DDX31: variants seen among roughly 807,000 people sequenced by gnomAD.
DDX31 encodes DEAD-box helicase 31.
Under a neutral mutation model 91.3 loss-of-function variants are expected in DDX31, and 70 were observed. The ratio of observed to expected loss-of-function variants is 0.77; its 90% CI spans 0.63 to 0.94. The LOEUF is 0.94. Ranked by LOEUF, DDX31 falls within the 40% of genes least tolerant of loss-of-function variation. The pLI is 0.00. For synonymous variants in DDX31, 362 were observed against 350.6 expected, an observed-to-expected ratio of 1.03 and a Z score of -0.36; for missense variants, 902 against 925.0, an observed-to-expected ratio of 0.98 and a Z score of 0.32.
intron 7 of DDX31, 45 bp from the exon 8 acceptor site, chr9:132,651,161 T>A: frequency 3.9e-6 from 5 of 1,277,978 alleles, no homozygotes; most frequent in South Asian, 1.4e-5. Flanking sequence ...GGATCCCCCT[T>A]TTTTTTTTTT....
chr9:132,629,397 CT>C (rs1159176112), intron 16 of DDX31, among the ~76,000 whole-genome samples: 1 of 152,186 alleles, frequency 6.6e-6, no homozygotes, highest in African/African-American at 2.4e-5. Flanking sequence ...CACTAACAAC[CT>C]TGAAAGAGTT....
intron 19 of DDX31, among the ~76,000 whole-genome samples, chr9:132,608,129 C>T (rs1245603141): frequency 6.6e-6 from 1 of 152,168 alleles, no homozygotes; most frequent in Non-Finnish European, 1.5e-5. Context: ...AACTGCATTT[C>T]ACGGAAGGGA....
Position 132,593,363 on chromosome 9 carries a change from G to A in DDX31, c.*1503C>T, listed in dbSNP as rs1291125235. 2.6e-5 allele frequency: 4 copies of A among 152,182 alleles called. No homozygotes were observed. Among genetic ancestry groups the A allele is most frequent in the African/African-American group, 9.6e-5 (4 of 41,464 alleles). The allele number at this position is 152,182 out of a possible 1,614,324, so 9.4% of individuals were successfully genotyped here. A position where few individuals can be genotyped will look rare whatever the true frequency, so the allele number is the denominator to read the frequency against. On this transcript the variant is annotated 3_prime_UTR_variant, in exon 20 of 20. Transcript: ENST00000372159. ...CCTGTTTTTCACACAGCTGGGTTTT[G>A]TCTATAAAGTTTGATCCCTCCTTTT...
rs189144094 is a variant in DDX31, at chr9:132,644,928, G to A, written c.1380+967C>T. ...TCCTTGAGTGACCTTGAACAAGTTC[G>A]CTTTTCTGGGCCTCTATTTACTTAA... On this transcript the variant is annotated intron_variant, in intron 13 of 19. Transcript: ENST00000372159. Among the ~76,000 whole-genome samples, 256 of 152,258 alleles carry A rather than the reference G, an allele frequency of 1.7e-3. 1 individual carries two copies. Among genetic ancestry groups the A allele is most frequent in the African/African-American group, 5.8e-3 (243 of 41,568 alleles).
intron 14 of DDX31, among the ~76,000 whole-genome samples, chr9:132,639,597 G>T (rs542809322): frequency 2.4e-4 from 37 of 152,336 alleles, no homozygotes; most frequent in African/African-American, 8.9e-4. Context: ...CAAGGAAAGT[G>T]ATTGTATGCT....
intron 1 of DDX31, among the ~76,000 whole-genome samples, chr9:132,667,260 C>T (rs1358034522): frequency 6.6e-6 from 1 of 152,158 alleles, no homozygotes; most frequent in Non-Finnish European, 1.5e-5. Flanking sequence ...GTTCAGGCTA[C>T]TGGCAAGTCT....
chr9:132,623,565 A>AAG (rs1564295827), intron 17 of DDX31, among the ~76,000 whole-genome samples: 1 of 150,692 alleles, frequency 6.6e-6, no homozygotes, highest in African/African-American at 2.5e-5. Flanking sequence ...AAAAAAAAAA[A>AAG]AAAGAAAAAA....
At chr9:132,617,376 T>G (rs1446775892) in intron 18 of DDX31, among the ~76,000 whole-genome samples, 2 of 152,026 alleles carry the variant, frequency 1.3e-5, no homozygotes, top group Non-Finnish European at 2.9e-5. Context: ...TCTGTTATGT[T>G]TATTATGTTC....
chr9:132,642,173 GCA>G, intron 13 of DDX31, 110 bp from the exon 14 acceptor site: 2 of 938,668 alleles, frequency 2.1e-6, no homozygotes, highest in Non-Finnish European at 3.3e-6. Context: ...CTATTTTCAG[GCA>G]CAGAGAGGTT....
intron 8 of DDX31, 35 bp downstream of exon 8, chr9:132,651,040 A>G: frequency 6.3e-7 from 1 of 1,585,632 alleles, no homozygotes; most frequent in East Asian, 2.2e-5. Context: ...CAAAGTCAGC[A>G]AGCAAGATGA....
At chr9:132,611,843 G>A (rs576874553) in intron 19 of DDX31, among the ~76,000 whole-genome samples, 4 of 151,952 alleles carry the variant, frequency 2.6e-5, no homozygotes, top group East Asian at 1.9e-4. Context: ...AGGGCGGACC[G>A]CAGCACAACT....
At position 132,640,032 on chromosome 9, in the gene DDX31, G is replaced by T. The variant is rs375418606; in HGVS notation, c.1440+1972C>A. Among the ~76,000 whole-genome samples, 4 of 152,268 alleles carry T rather than the reference G, an allele frequency of 2.6e-5. No individual in the cohort carries two copies. The East Asian group carries it at 7.7e-4, about 29-fold the overall frequency. On this transcript the variant is annotated intron_variant, in intron 14 of 19. Coordinates refer to ENST00000372159, the MANE Select transcript of DDX31 (RefSeq NM_022779.9). ...GGGCCCTGTCTAGCGCCCCCAATTT[G>T]ATCTACAAAACCAAGCGCCTACTGC...
At chr9:132,620,906 A>C (rs1201810568) in intron 17 of DDX31, among the ~76,000 whole-genome samples, 1 of 152,206 alleles carries the variant, frequency 6.6e-6, no homozygotes, top group Non-Finnish European at 1.5e-5. Context: ...TGGGTAGTTT[A>C]GAAAAACACA....
intron 1 of DDX31, chr9:132,663,206 C>T (rs1489731286): frequency 3.1e-6 from 4 of 1,289,318 alleles, no homozygotes; most frequent in South Asian, 1.2e-5. Flanking sequence ...GCCCAGGAAG[C>T]GGAAACATTC....
intron 19 of DDX31, among the ~76,000 whole-genome samples, chr9:132,604,258 C>G (rs969783064): frequency 3.9e-5 from 6 of 152,174 alleles, no homozygotes; most frequent in Admixed American, 3.3e-4. Context: ...GCCAGTGTTC[C>G]CCACTCAGAA....
In DDX31 at chr9:132,659,625, C is replaced by T. The variant is rs1834805781; in HGVS notation, c.523+85G>A. On this transcript the variant is annotated intron_variant, in intron 5 of 19. Transcript: ENST00000372159. The stretch of plus-strand genomic sequence containing the variant: ...AAACGAAACAAAACTGCCACCACCA[C>T]CAACCCAGACACCGCATGGCAAAAC... 2.9e-6 allele frequency: 4 copies of T among 1,396,100 alleles called. No individual in the cohort carries two copies. The Admixed American group carries it at 6.1e-5, about 21-fold the overall frequency. The allele number at this position is 1,396,100 out of a possible 1,614,324, so 86.5% of individuals were successfully genotyped here.
At chr9:132,604,725 TTC>T (rs1273880180) in intron 19 of DDX31, among the ~76,000 whole-genome samples, 1 of 152,180 alleles carries the variant, frequency 6.6e-6, no homozygotes, top group Non-Finnish European at 1.5e-5. Flanking sequence ...CCAGAGCACA[TTC>T]TGTTTCCCCA....
Position 132,662,342 on chromosome 9 carries a change from A to G in DDX31, c.333-6T>C, listed in dbSNP as rs370805501. ...GCACCTGCTTTACCACAGGTCTGCAAATGATGAACAAGAACCCAGGCATCA... is the reference window on the plus strand; with the variant it reads ...GCACCTGCTTTACCACAGGTCTGCAGATGATGAACAAGAACCCAGGCATCA... On this transcript the variant is annotated splice_region_variant and splice_polypyrimidine_tract_variant and intron_variant, in intron 2 of 19. Coordinates refer to ENST00000372159, the MANE Select transcript of DDX31 (RefSeq NM_022779.9). The G allele has an allele frequency of 6.8e-6, 11 of 1,614,084 alleles. No individual in the cohort carries two copies. Among genetic ancestry groups the G allele is most frequent in the Non-Finnish European group, 9.3e-6 (11 of 1,180,046 alleles).
chr9:132,655,856 T>C (rs779720351), intron 6 of DDX31, among the ~76,000 whole-genome samples: 2 of 152,138 alleles, frequency 1.3e-5, no homozygotes, highest in Non-Finnish European at 2.9e-5. Context: ...ATAAGAAACA[T>C]TTACCCAAAA....
Sources: allele counts gnomAD v4.1 joint callset (sites outside exome capture counted in the v4.1 genomes callset), GRCh38; gene constraint gnomAD v4.1.1; transcripts MANE v1.5; gene names NCBI Gene and HGNC (gene_info 2026-07-23, HGNC 2026-07-21).